Variants in CLDN10 observed in about 807,000 individuals in gnomAD.
The protein encoded by CLDN10 is claudin-10.
A neutral mutation model predicts 22.9 loss-of-function variants in CLDN10; 15 were observed. That is an observed-to-expected ratio of 0.65 (90% CI 0.44 to 1.01). The LOEUF is 1.01. CLDN10 is among the 50% of genes least tolerant of loss of function. CLDN10 has a pLI of 0.00. For missense variants in CLDN10, 247 were observed against 287.8 expected (o/e 0.86, Z 1.03); for synonymous variants, 114 against 111.4 (o/e 1.02, Z -0.15).
At chr13:95,472,449 A>T (rs1044382983) in intron 1 of CLDN10, among the ~76,000 whole-genome samples, 1 of 152,152 alleles carries the variant, frequency 6.6e-6, no homozygotes, top group Admixed American at 6.6e-5. Context: ...TGGGAGGCCG[A>T]GGTGGGTAGA....
intron 1 of CLDN10, among the ~76,000 whole-genome samples, chr13:95,449,600 T>G (rs915359858): frequency 3.3e-5 from 5 of 152,046 alleles, no homozygotes; most frequent in African/African-American, 9.7e-5. Context: ...AGGGTCCTGC[T>G]CTGGCATCTA....
At chr13:95,485,898 T>C (rs947810440) in intron 1 of CLDN10, among the ~76,000 whole-genome samples, 23 of 152,200 alleles carry the variant, frequency 1.5e-4, no homozygotes, top group Non-Finnish European at 2.9e-4. Context: ...TAGAATGTGC[T>C]GGAAACAACA....
chr13:95,509,749 C>T (rs1162328518), intron 1 of CLDN10, among the ~76,000 whole-genome samples: 1 of 152,140 alleles, frequency 6.6e-6, no homozygotes, highest in Non-Finnish European at 1.5e-5. Context: ...GTGACTCACT[C>T]GCTCTTCTTG....
At chr13:95,521,458 T>A (rs1454522499) in intron 1 of CLDN10, among the ~76,000 whole-genome samples, 1 of 152,188 alleles carries the variant, frequency 6.6e-6, no homozygotes, top group Non-Finnish European at 1.5e-5. Flanking sequence ...TTCTCTCTTT[T>A]AATCTGTTAC....
chr13:95,560,307 T>C lies in CLDN10; in HGVS notation c.382+14T>C. On this transcript the variant is annotated intron_variant, in intron 2 of 4. Transcript: ENST00000299339. ...TCATACTGTCAGGTAAATAGTAACT[T>C]TCTTCCAAACAAGGTACTTGATGAT... 1 of 1,613,918 alleles carries C rather than the reference T, an allele frequency of 6.2e-7. No individual in the cohort carries two copies. The highest frequency in any genetic ancestry group is 8.5e-7 in the Non-Finnish European group (1 of 1,179,794).
At chr13:95,489,347 G>A (rs967274184) in intron 1 of CLDN10, among the ~76,000 whole-genome samples, 1 of 152,044 alleles carries the variant, frequency 6.6e-6, no homozygotes, top group Non-Finnish European at 1.5e-5. Context: ...CAGCAATGCA[G>A]AAGGGTTCCC....
chr13:95,522,187 A>C (rs1289861683), intron 1 of CLDN10, among the ~76,000 whole-genome samples: 2 of 151,740 alleles, frequency 1.3e-5, no homozygotes, highest in Non-Finnish European at 1.5e-5. Flanking sequence ...TTAATTTGCT[A>C]TTCTTTTTCT....
At chr13:95,553,573 C>A (rs1291174101) in intron 1 of CLDN10, among the ~76,000 whole-genome samples, 1 of 152,226 alleles carries the variant, frequency 6.6e-6, no homozygotes. Flanking sequence ...ACTTGTCTGC[C>A]TAGGCAACAC....
intron 1 of CLDN10, among the ~76,000 whole-genome samples, chr13:95,488,566 C>T (rs2042831882): frequency 6.6e-6 from 1 of 152,064 alleles, no homozygotes; most frequent in South Asian, 2.1e-4. Flanking sequence ...ATTCTTATGC[C>T]TTTGCATCCT....
rs2043091584 is a variant in CLDN10 at position 95,511,029 on chromosome 13, G to GAAT, written c.215-49101_215-49099dup. Among the ~76,000 whole-genome samples, 3 of 152,240 alleles carry GAAT rather than the reference G, an allele frequency of 2.0e-5. No homozygotes were observed. The South Asian group carries it at 6.2e-4, about 32-fold the overall frequency. On this transcript the variant is annotated intron_variant, in intron 1 of 4. Transcript: ENST00000376873. The stretch of plus-strand genomic sequence containing the variant: ...GAAATCTAATATAAAAGTACTCTAT[G>GAAT]AATATGATGTATTTGTCAGGCATAA...
chr13:95,529,275 G>C (rs1223044181), intron 1 of CLDN10, among the ~76,000 whole-genome samples: 7 of 152,054 alleles, frequency 4.6e-5, no homozygotes, highest in Admixed American at 1.3e-4. Flanking sequence ...TCTTCAATCA[G>C]TAAGTTAGTG....
intron 1 of CLDN10, among the ~76,000 whole-genome samples, chr13:95,477,705 C>T (rs921119214): frequency 1.8e-4 from 28 of 152,126 alleles, no homozygotes; most frequent in African/African-American, 6.8e-4. Flanking sequence ...GGTCTGTGGA[C>T]CAGCAGCACC....
chr13:95,540,879 AT>A (rs1420107597), intron 1 of CLDN10, among the ~76,000 whole-genome samples: 3 of 152,170 alleles, frequency 2.0e-5, no homozygotes, highest in Non-Finnish European at 4.4e-5. Flanking sequence ...GATAAGTAGT[AT>A]TTTTCAAGTT....
chr13:95,441,614 A>G (rs1337385258), intron 1 of CLDN10, among the ~76,000 whole-genome samples: 1 of 152,148 alleles, frequency 6.6e-6, no homozygotes, highest in Non-Finnish European at 1.5e-5. Flanking sequence ...AATGTGATCC[A>G]CCAGCCAGCA....
intron 3 of CLDN10, among the ~76,000 whole-genome samples, chr13:95,576,936 G>T (rs2043938494): frequency 6.6e-6 from 1 of 152,204 alleles, no homozygotes; most frequent in South Asian, 2.1e-4. Flanking sequence ...AAGGCAGCGT[G>T]CAGAGGAAAG....
chr13:95,508,836 C>T (rs2043066641), intron 1 of CLDN10, among the ~76,000 whole-genome samples: 1 of 152,152 alleles, frequency 6.6e-6, no homozygotes, highest in Non-Finnish European at 1.5e-5. Flanking sequence ...GAGCTGGTGG[C>T]TATGGAGGAT....
chr13:95,556,292 C>T (rs926770845), intron 1 of CLDN10, among the ~76,000 whole-genome samples: 2 of 152,068 alleles, frequency 1.3e-5, no homozygotes, highest in Non-Finnish European at 2.9e-5. Flanking sequence ...GTGATCTGCC[C>T]GCCTCTGCCT....
intron 1 of CLDN10, among the ~76,000 whole-genome samples, chr13:95,524,032 T>C (rs2138589994): frequency 1.3e-5 from 2 of 152,166 alleles, no homozygotes; most frequent in South Asian, 4.1e-4. Context: ...CCTCTGGCTT[T>C]CACTATTACC....
At chr13:95,550,601 G>A (rs2043552771), upstream of CLDN10, among the ~76,000 whole-genome samples, 1 of 152,162 alleles carries the variant, frequency 6.6e-6, no homozygotes, top group Admixed American at 6.6e-5. Context: ...TGGGTTTTGT[G>A]TTTTTCAAAT....
Sources: allele counts gnomAD v4.1 joint callset (sites outside exome capture counted in the v4.1 genomes callset), GRCh38; gene constraint gnomAD v4.1.1; transcripts MANE v1.5; gene names NCBI Gene and HGNC (gene_info 2026-07-23, HGNC 2026-07-21).